The following TMEM135 variants were observed in gnomAD, a reference collection of about 807,000 sequenced individuals.
TMEM135 encodes peroxisomal membrane protein 52.
TMEM135 carries 30 observed loss-of-function variants against 60.3 expected under a neutral mutation model. That is an observed-to-expected ratio of 0.50 (90% CI 0.37 to 0.68). The LOEUF is 0.68. Ranked by LOEUF, TMEM135 falls within the 30% of genes least tolerant of loss-of-function variation. TMEM135 has a pLI of 0.00. For missense variants in TMEM135, 468 were observed against 548.8 expected (o/e 0.85, Z 1.47); for synonymous variants, 190 against 186.7 (o/e 1.02, Z -0.14).
chr11:87,268,078 A>G (rs1043922529), intron 6 of TMEM135, among the ~76,000 whole-genome samples: 1 of 151,828 alleles, frequency 6.6e-6, no homozygotes, highest in African/African-American at 2.4e-5. Context: ...GTTCACTTTC[A>G]GGGGAGATTA....
chr11:87,198,954 A>G (rs1940032271), intron 5 of TMEM135, among the ~76,000 whole-genome samples: 3 of 152,206 alleles, frequency 2.0e-5, no homozygotes, highest in African/African-American at 7.2e-5. Context: ...TTTTAAATCT[A>G]TGCAGTGCTA....
intron 4 of TMEM135, among the ~76,000 whole-genome samples, chr11:87,118,508 A>G (rs991626041): frequency 1.3e-5 from 2 of 150,984 alleles, no homozygotes; most frequent in African/African-American, 4.9e-5. Flanking sequence ...GAGTGCAATG[A>G]CACGATCTCA....
chr11:87,152,648 AGGCTGGTCTCC>A lies in TMEM135; in HGVS notation c.397-4692_397-4682del, dbSNP rs566623574. Among the ~76,000 whole-genome samples the A allele has an allele frequency of 1.6e-3, 236 of 152,196 alleles. 4 individuals are homozygous for A. In the East Asian group the frequency reaches 0.041, roughly 27 times the overall value. ...AGAGACGGGTTTCGCCATGTCGGTCAGGCTGGTCTCCAACTCCTGACCTCAGGCGCCCCACC... is the reference window on the plus strand; with the variant it reads ...AGAGACGGGTTTCGCCATGTCGGTCAAACTCCTGACCTCAGGCGCCCCACC... On this transcript the variant is annotated intron_variant, in intron 4 of 14. Coordinates refer to ENST00000305494, the MANE Select transcript of TMEM135 (RefSeq NM_022918.4).
intron 4 of TMEM135, among the ~76,000 whole-genome samples, chr11:87,106,959 A>G (rs1857612272): frequency 1.3e-5 from 2 of 152,238 alleles, no homozygotes; most frequent in African/African-American, 4.8e-5. Flanking sequence ...AGCAAGAGCA[A>G]GGGTAGGGAT....
intron 5 of TMEM135, among the ~76,000 whole-genome samples, chr11:87,223,226 G>A (rs1940684523): frequency 2.0e-5 from 3 of 149,836 alleles, no homozygotes; most frequent in South Asian, 2.1e-4. Flanking sequence ...GCGCAGTGGC[G>A]CGATCTCGGC....
At chr11:87,305,672 G>GA (rs1407388121) in intron 8 of TMEM135, among the ~76,000 whole-genome samples, 2 of 152,106 alleles carry the variant, frequency 1.3e-5, no homozygotes, top group African/African-American at 4.8e-5. Context: ...TACTCGGGAG[G>GA]CTGAGGCAGG....
chr11:87,259,730 G>A (rs1256419319), intron 6 of TMEM135, among the ~76,000 whole-genome samples: 2 of 152,222 alleles, frequency 1.3e-5, no homozygotes, highest in East Asian at 1.9e-4. Context: ...TGTTTCAGAT[G>A]TGTGATTGAG....
intron 8 of TMEM135, among the ~76,000 whole-genome samples, chr11:87,303,605 C>T (rs567088952): frequency 2.0e-5 from 3 of 152,266 alleles, no homozygotes; most frequent in African/African-American, 4.8e-5. Context: ...AATGAGATAA[C>T]ATTTATGAAC....
chr11:87,317,426 A>C (rs1590868397), intron 12 of TMEM135, among the ~76,000 whole-genome samples: 2 of 152,098 alleles, frequency 1.3e-5, no homozygotes, highest in South Asian at 4.1e-4. Context: ...TATATCTTAC[A>C]AATTCTCATA....
intron 6 of TMEM135, among the ~76,000 whole-genome samples, chr11:87,281,137 AAT>A (rs1449942204): frequency 1.3e-5 from 2 of 152,202 alleles, no homozygotes; most frequent in Admixed American, 6.5e-5. Context: ...GGGAGTTGTT[AAT>A]GAGTATAGAG....
chr11:87,253,283 A>C (rs1382865291), intron 6 of TMEM135, among the ~76,000 whole-genome samples: 1 of 152,150 alleles, frequency 6.6e-6, no homozygotes, highest in Admixed American at 6.6e-5. Flanking sequence ...GCAAAGAGAA[A>C]TATTGTATGG....
intron 1 of TMEM135, among the ~76,000 whole-genome samples, chr11:87,044,559 G>T (rs1331702785): frequency 6.6e-6 from 1 of 152,046 alleles, no homozygotes; most frequent in African/African-American, 2.4e-5. Context: ...ACTTATGGGG[G>T]TGTAAATAAG....
chr11:87,326,886 A>C lies in TMEM135; in HGVS notation c.*5553A>C, dbSNP rs1205695092. On this transcript the variant is annotated 3_prime_UTR_variant, in exon 15 of 15. Coordinates refer to ENST00000305494, the MANE Select transcript of TMEM135 (RefSeq NM_022918.4). ...AGGATAAATAAATCTATGAAACTAG[A>C]GGCATCATTGAATCATCTGAGGACC... 1 of 448,868 alleles carries C rather than the reference A, an allele frequency of 2.2e-6. No individual in the cohort carries two copies. The highest frequency in any genetic ancestry group is 4.4e-6 in the Non-Finnish European group (1 of 225,834). The allele number at this position is 448,868 out of a possible 1,614,324, so 27.8% of individuals were successfully genotyped here.
intron 5 of TMEM135, among the ~76,000 whole-genome samples, chr11:87,185,453 T>G (rs1287919123): frequency 1.3e-5 from 2 of 152,236 alleles, no homozygotes; most frequent in Non-Finnish European, 2.9e-5. Context: ...CTTGGTTCTC[T>G]GTATTTCCTG....
chr11:87,287,270 A>G (rs962731453), intron 6 of TMEM135, among the ~76,000 whole-genome samples: 1 of 152,232 alleles, frequency 6.6e-6, no homozygotes, highest in Non-Finnish European at 1.5e-5. Flanking sequence ...TAGATGCTCA[A>G]TTAATGTTGA....
chr11:87,214,348 A>G (rs1024864003), intron 5 of TMEM135, among the ~76,000 whole-genome samples: 8 of 152,272 alleles, frequency 5.3e-5, no homozygotes, highest in Admixed American at 6.5e-5. Context: ...ACTTCCATGT[A>G]CTCAATCAGT....
intron 1 of TMEM135, among the ~76,000 whole-genome samples, chr11:87,054,370 G>A (rs1949871797): frequency 6.6e-6 from 1 of 152,090 alleles, no homozygotes; most frequent in African/African-American, 2.4e-5. Context: ...GGAGGCAGAG[G>A]TTGCGATGAG....
chr11:87,191,397 C>T (rs537981771), intron 5 of TMEM135, among the ~76,000 whole-genome samples: 40 of 152,208 alleles, frequency 2.6e-4, no homozygotes, highest in African/African-American at 9.4e-4. Context: ...CCCGCCACCA[C>T]GCCCGGCTAA....
chr11:87,041,135 T>C (rs1949746820), intron 1 of TMEM135, among the ~76,000 whole-genome samples: 1 of 152,230 alleles, frequency 6.6e-6, no homozygotes, highest in Admixed American at 6.5e-5. Context: ...TATTATGTGC[T>C]TAGTCCTTTA....
Sources: allele counts gnomAD v4.1 joint callset (sites outside exome capture counted in the v4.1 genomes callset), GRCh38; gene constraint gnomAD v4.1.1; transcripts MANE v1.5; gene names NCBI Gene and HGNC (gene_info 2026-07-23, HGNC 2026-07-21).